BTBD10: variants seen among roughly 807,000 people sequenced by gnomAD.
BTBD10 encodes BTB domain containing 10, also known as BTB/POZ domain-containing protein 10.
BTBD10 carries 21 observed loss-of-function variants against 53.2 expected under a neutral mutation model. The observed-to-expected ratio is 0.39, with a 90% CI of 0.28 to 0.57. The LOEUF is 0.57. BTBD10 is among the 20% of genes least tolerant of loss of function. BTBD10 has a pLI of 0.53. For missense variants in BTBD10, 360 were observed against 594.7 expected (o/e 0.61, Z 4.10); for synonymous variants, 149 against 192.7 (o/e 0.77, Z 1.88).
intron 8 of BTBD10, among the ~76,000 whole-genome samples, chr11:13,400,449 C>G (rs984581594): frequency 3.3e-5 from 5 of 152,286 alleles, no homozygotes; most frequent in African/African-American, 7.2e-5. Flanking sequence ...GTCTGTCACC[C>G]CTTTCTTTGA....
intron 2 of BTBD10, among the ~76,000 whole-genome samples, chr11:13,444,244 A>G (rs1263831091): frequency 6.6e-6 from 1 of 152,046 alleles, no homozygotes; most frequent in Non-Finnish European, 1.5e-5. Context: ...TTTTCAAGAA[A>G]GCTGGTATTT....
At position 13,445,090 on chromosome 11, in the gene BTBD10, G is replaced by A. The variant is rs778896337; in HGVS notation, c.35C>T (p.Ser12Phe). ...CCGATCCCAATTCTCTGGATCACTG[G>A]AGTTACCATCATAGGGATGAGGCCG... Reference protein sequence around the residue: ...AGRPHPYDGNSSDPENWDRKL... With the variant: ...AGRPHPYDGNFSDPENWDRKL... Residue 12 changes from serine (S) to phenylalanine (F), a missense_variant, in exon 2 of 9, where the codon TCC becomes TTC. Physicochemically the swap from Ser to Phe is radical, Grantham distance 155 (BLOSUM62 -2). Around this residue, in one of 6 missense-constraint regions of BTBD10, gnomAD observed 81 missense variants for 82.6 expected, o/e 0.98. Transcript: ENST00000278174. 3 of 1,613,260 alleles carry A rather than the reference G, an allele frequency of 1.9e-6. No individual in the cohort carries two copies. The Admixed American group carries it at 5.0e-5, about 27-fold the overall frequency.
chr11:13,396,875 A>C (rs926880443), intron 8 of BTBD10, among the ~76,000 whole-genome samples: 4 of 152,342 alleles, frequency 2.6e-5, no homozygotes, highest in Admixed American at 2.6e-4. Flanking sequence ...CCAGCCTTGC[A>C]TCCCAGGGAT....
intron 3 of BTBD10, among the ~76,000 whole-genome samples, chr11:13,420,552 T>C (rs1188821030): frequency 6.6e-6 from 1 of 152,204 alleles, no homozygotes; most frequent in African/African-American, 2.4e-5. Flanking sequence ...ATATTTCATT[T>C]AGAGACTAGA....
chr11:13,410,247 T>C (rs976139414), intron 6 of BTBD10, among the ~76,000 whole-genome samples: 7 of 152,130 alleles, frequency 4.6e-5, no homozygotes, highest in Admixed American at 1.3e-4. Context: ...CAGTGATGAA[T>C]AGCACCACTT....
intron 1 of BTBD10, among the ~76,000 whole-genome samples, chr11:13,461,929 A>C (rs939215105): frequency 2.1e-5 from 3 of 142,142 alleles, no homozygotes; most frequent in Non-Finnish European, 4.5e-5. Flanking sequence ...TTCTTCTCAC[A>C]CTTTTTTTTT....
intron 1 of BTBD10, among the ~76,000 whole-genome samples, chr11:13,446,742 C>G (rs1276226629): frequency 6.6e-6 from 1 of 151,928 alleles, no homozygotes; most frequent in Non-Finnish European, 1.5e-5. Flanking sequence ...TATTAGATGA[C>G]TATAAAAACC....
intron 4 of BTBD10, among the ~76,000 whole-genome samples, chr11:13,418,971 CTTTTTTT>C (rs11423580): frequency 8.0e-6 from 1 of 125,432 alleles, no homozygotes; most frequent in East Asian, 2.2e-4. Context: ...GTTGACATTC[CTTTTTTT>C]TTTTTTTTTT....
chr11:13,398,727 G>T (rs1015764158), intron 8 of BTBD10, among the ~76,000 whole-genome samples: 1 of 152,058 alleles, frequency 6.6e-6, no homozygotes, highest in African/African-American at 2.4e-5. Flanking sequence ...AGCTCTTGTA[G>T]GGCAGGCCTG....
rs958395820 is a variant in BTBD10, at chr11:13,445,010, T to G, written c.101+14A>C. The G allele has an allele frequency of 4.4e-6, 7 of 1,585,340 alleles. No homozygotes were observed. The African/African-American group carries it at 5.4e-5, about 12-fold the overall frequency. ...GCAGAGCTTTCATATGCGAAATACA[T>G]ATTTTCTACCTACCTTGAATGTTTA... On this transcript the variant is annotated intron_variant, in intron 2 of 8. Coordinates refer to ENST00000278174, the MANE Select transcript of BTBD10 (RefSeq NM_032320.7).
At chr11:13,395,739 T>G (rs1345398121) in intron 8 of BTBD10, among the ~76,000 whole-genome samples, 1 of 152,196 alleles carries the variant, frequency 6.6e-6, no homozygotes, top group Non-Finnish European at 1.5e-5. Flanking sequence ...AGGGATCCAG[T>G]TTCAGCTTTC....
intron 1 of BTBD10, among the ~76,000 whole-genome samples, chr11:13,456,572 C>A: frequency 6.6e-6 from 1 of 151,946 alleles, no homozygotes; most frequent in Non-Finnish European, 1.5e-5. Context: ...GCAAAAAGCA[C>A]AGAAAAAAAT....
intron 2 of BTBD10, among the ~76,000 whole-genome samples, chr11:13,422,493 CA>C (rs1266732614): frequency 1.3e-5 from 2 of 152,108 alleles, no homozygotes; most frequent in South Asian, 4.1e-4. Flanking sequence ...ACTAAAAACA[CA>C]AAAATCAGCT....
At chr11:13,440,282 G>T in intron 2 of BTBD10, 1 of 1,182,962 alleles carries the variant, frequency 8.5e-7, no homozygotes, top group African/African-American at 1.6e-5. Context: ...CATCGTGTGA[G>T]CTGTGATCGT....
chr11:13,432,373 A>T (rs1361637149), intron 2 of BTBD10, among the ~76,000 whole-genome samples: 1 of 152,128 alleles, frequency 6.6e-6, no homozygotes, highest in African/African-American at 2.4e-5. Flanking sequence ...AAACTGATAA[A>T]ATACAAGAAA....
intron 6 of BTBD10, among the ~76,000 whole-genome samples, chr11:13,410,299 T>C (rs184918948): frequency 1.3e-4 from 20 of 152,144 alleles, no homozygotes; most frequent in Middle Eastern, 3.4e-3. Flanking sequence ...TAGCTAACAG[T>C]GGAGAACAAC....
chr11:13,424,094 T>G (rs1950292036), intron 2 of BTBD10, among the ~76,000 whole-genome samples: 1 of 152,198 alleles, frequency 6.6e-6, no homozygotes, highest in Non-Finnish European at 1.5e-5. Flanking sequence ...CCACATTAAA[T>G]AGAACAAAGA....
At chr11:13,395,992 T>G (rs904602486) in intron 8 of BTBD10, among the ~76,000 whole-genome samples, 5 of 152,188 alleles carry the variant, frequency 3.3e-5, no homozygotes, top group African/African-American at 4.8e-5. Flanking sequence ...AGCTTTGTTC[T>G]TTTGGCTTAG....
chr11:13,389,817 A>T (rs1027017410), intron 8 of BTBD10, among the ~76,000 whole-genome samples: 26 of 152,202 alleles, frequency 1.7e-4, no homozygotes, highest in African/African-American at 6.3e-4. Context: ...TTAAACCTAC[A>T]TCTCGTCTTT....
Sources: allele counts gnomAD v4.1 joint callset (sites outside exome capture counted in the v4.1 genomes callset), GRCh38; gene constraint gnomAD v4.1.1; regional missense constraint gnomAD v4.1.1; transcripts MANE v1.5; gene names NCBI Gene and HGNC (gene_info 2026-07-23, HGNC 2026-07-21).